The following KANK4 variants were observed in gnomAD, a reference collection of about 807,000 sequenced individuals.
The protein encoded by KANK4 is KN motif and ankyrin repeat domain-containing protein 4.
KANK4 carries 50 observed loss-of-function variants against 80.8 expected under a neutral mutation model. The observed-to-expected ratio is 0.62, with a 90% CI of 0.49 to 0.78. The LOEUF (loss-of-function observed/expected upper bound fraction) is 0.78. KANK4 is among the 30% of genes least tolerant of loss of function. The probability of loss-of-function intolerance (pLI) is 0.00; values close to 1 mark genes in which losing one functional copy is unlikely to be tolerated. For synonymous variants in KANK4, 465 were observed against 506.9 expected (o/e 0.92, Z 1.11); for missense variants, 1,196 against 1,240.1 (o/e 0.96, Z 0.53).
At chr1:62,288,223 A>C (rs917129365) in intron 1 of KANK4, among the ~76,000 whole-genome samples, 1 of 152,156 alleles carries the variant, frequency 6.6e-6, no homozygotes, top group Admixed American at 6.5e-5. Flanking sequence ...ACGGGACTGG[A>C]GGGAGGTTTG....
chr1:62,293,703 C>T (rs976339725), intron 1 of KANK4, among the ~76,000 whole-genome samples: 1 of 152,188 alleles, frequency 6.6e-6, no homozygotes, highest in African/African-American at 2.4e-5. Flanking sequence ...CAGCGAAACT[C>T]CTGTGTATGC....
chr1:62,316,075 C>A (rs1404477280), intron 1 of KANK4, among the ~76,000 whole-genome samples: 1 of 152,248 alleles, frequency 6.6e-6, no homozygotes, highest in Admixed American at 6.5e-5. Context: ...CCGTTCTCTC[C>A]TTAGCCTGTT....
intron 4 of KANK4, among the ~76,000 whole-genome samples, chr1:62,270,386 CTTTTTTT>C (rs66601241): frequency 1.4e-5 from 2 of 142,580 alleles, no homozygotes; most frequent in African/African-American, 5.1e-5. Context: ...CTTTGCTTTG[CTTTTTTT>C]TTTTTTAAGA....
At chr1:62,300,644 C>T (rs1325740) in intron 1 of KANK4, among the ~76,000 whole-genome samples, 98,751 of 151,808 alleles carry the variant, frequency 0.65, 32,433 homozygotes, top group East Asian at 0.87. Flanking sequence ...GTCGGGGAAG[C>T]GGATGGCGGA....
intron 9 of KANK4, among the ~76,000 whole-genome samples, chr1:62,240,573 G>C (rs1273126367): frequency 6.6e-6 from 1 of 152,228 alleles, no homozygotes; most frequent in African/African-American, 2.4e-5. Flanking sequence ...GGAGGCTGAG[G>C]CATGGGAATC....
chr1:62,298,876 C>A (rs1481816926), intron 1 of KANK4, among the ~76,000 whole-genome samples: 1 of 151,972 alleles, frequency 6.6e-6, no homozygotes, highest in Non-Finnish European at 1.5e-5. Flanking sequence ...AGGCACTGTG[C>A]CAAGTACTAC....
At chr1:62,286,526 G>A (rs550162670) in intron 1 of KANK4, among the ~76,000 whole-genome samples, 3 of 152,332 alleles carry the variant, frequency 2.0e-5, no homozygotes, top group South Asian at 4.1e-4. Context: ...CATCGCTTCC[G>A]AGGAACACAT....
chr1:62,256,849 C>G (rs1023774002), intron 7 of KANK4, among the ~76,000 whole-genome samples: 2 of 152,168 alleles, frequency 1.3e-5, no homozygotes, highest in African/African-American at 4.8e-5. Flanking sequence ...CAACTCCATA[C>G]ATCACCTCAT....
At position 62,238,349 on chromosome 1, in the gene KANK4, C is replaced by T. The variant is rs1385256276; in HGVS notation, c.2916G>A (p.Lys972=). The T allele has an allele frequency of 6.2e-7, 1 of 1,613,910 alleles. No homozygotes were observed. Among genetic ancestry groups the T allele is most frequent in the African/African-American group, 1.3e-5 (1 of 74,900 alleles). Residue 972 remains lysine (K), a synonymous_variant, in exon 10 of 10, where the codon AAG becomes AAA. Transcript: ENST00000371153. ...CAGCAATTTCCATATGGGTGGGTGACTTCAGAGCGATGGACAAAGCTGTGC... is the reference window on the plus strand; with the variant it reads ...CAGCAATTTCCATATGGGTGGGTGATTTCAGAGCGATGGACAAAGCTGTGC... ...AGRTALSIAL[K]SPTHMEIAGL...
At position 62,319,293 on chromosome 1, in the gene KANK4, G is replaced by A. The variant is rs974403666; in HGVS notation, c.-258C>T. 5.9e-5 allele frequency: 9 copies of A among 151,980 alleles called. No homozygotes were observed. The highest frequency in any genetic ancestry group is 1.9e-4 in the African/African-American group (8 of 41,510). 9.4% of individuals were successfully genotyped at this position (151,980 alleles called of 1,614,324 possible). ...CACACCCTCCAGGCGCCCTCTGGCCGACGGTCTCGGCCCTGGCCCCGGCGC... is the reference window on the plus strand; with the variant it reads ...CACACCCTCCAGGCGCCCTCTGGCCAACGGTCTCGGCCCTGGCCCCGGCGC... On this transcript the variant is annotated 5_prime_UTR_variant, in exon 1 of 10. Coordinates refer to ENST00000371153, the MANE Select transcript of KANK4 (RefSeq NM_181712.5).
At chr1:62,269,584 C>T (rs1672110328) in intron 4 of KANK4, among the ~76,000 whole-genome samples, 1 of 152,190 alleles carries the variant, frequency 6.6e-6, no homozygotes, top group South Asian at 2.1e-4. Context: ...CATCTTGGAA[C>T]TGCTTCCATA....
At chr1:62,258,528 C>G (rs773909333) in intron 7 of KANK4, among the ~76,000 whole-genome samples, 1 of 152,168 alleles carries the variant, frequency 6.6e-6, no homozygotes, top group Non-Finnish European at 1.5e-5. Context: ...TTGCCTTTCC[C>G]GTTCAGCTGA....
chr1:62,271,746 T>A (rs2149140530), intron 3 of KANK4, 157 bp from the exon 4 acceptor site: 1 of 587,278 alleles, frequency 1.7e-6, no homozygotes, highest in Admixed American at 2.8e-5. Flanking sequence ...TTTGGGGACC[T>A]CTTGGAGGAG....
chr1:62,239,219 G>C (rs1671282439), intron 9 of KANK4, among the ~76,000 whole-genome samples: 1 of 151,874 alleles, frequency 6.6e-6, no homozygotes, highest in African/African-American at 2.4e-5. Context: ...CACCTGTCCT[G>C]TTGTTGGTTT....
intron 7 of KANK4, among the ~76,000 whole-genome samples, chr1:62,261,830 G>T (rs1358667725): frequency 6.6e-6 from 1 of 152,088 alleles, no homozygotes; most frequent in Non-Finnish European, 1.5e-5. Flanking sequence ...AGTTCCTTCT[G>T]CCTGGAAGAC....
chr1:62,295,300 C>A (rs1270078911), intron 1 of KANK4, among the ~76,000 whole-genome samples: 1 of 152,172 alleles, frequency 6.6e-6, no homozygotes, highest in Non-Finnish European at 1.5e-5. Flanking sequence ...CGCCACAAAG[C>A]CCGGCTAATT....
intron 1 of KANK4, among the ~76,000 whole-genome samples, chr1:62,284,114 C>T (rs773013647): frequency 1.5e-4 from 23 of 152,054 alleles, no homozygotes; most frequent in African/African-American, 4.6e-4. Context: ...CTTCCAGCCC[C>T]GACTCCCACC....
At chr1:62,245,391 G>C (rs535831538) in intron 9 of KANK4, among the ~76,000 whole-genome samples, 47 of 152,274 alleles carry the variant, frequency 3.1e-4, no homozygotes, top group South Asian at 1.2e-3. Flanking sequence ...TGCTGTCTGG[G>C]TGTGACTGAG....
At chr1:62,301,718 A>G (rs780537270) in intron 1 of KANK4, among the ~76,000 whole-genome samples, 2 of 152,064 alleles carry the variant, frequency 1.3e-5, no homozygotes, top group Non-Finnish European at 2.9e-5. Context: ...TCCTCCTTAT[A>G]GGATTACACA....
Sources: allele counts gnomAD v4.1 joint callset (sites outside exome capture counted in the v4.1 genomes callset), GRCh38; gene constraint gnomAD v4.1.1; transcripts MANE v1.5; gene names NCBI Gene and HGNC (gene_info 2026-07-23, HGNC 2026-07-21).